LTBP1: variants seen among roughly 807,000 people sequenced by gnomAD.
The protein encoded by LTBP1 is latent transforming growth factor beta binding protein 1, also known as latent-transforming growth factor beta-binding protein 1.
In LTBP1, 129 loss-of-function variants were observed where a neutral mutation model predicts 207.6. The observed-to-expected ratio is 0.62, with a 90% CI of 0.54 to 0.72. The LOEUF is 0.72. Ranked by LOEUF, LTBP1 falls within the 30% of genes least tolerant of loss-of-function variation. The probability of loss-of-function intolerance (pLI) is 0.00; values close to 1 mark genes in which losing one functional copy is unlikely to be tolerated. For synonymous variants in LTBP1, 963 were observed against 833.7 expected, an observed-to-expected ratio of 1.16 and a Z score of -2.67; for missense variants, 2,281 against 2,217.2, an observed-to-expected ratio of 1.03 and a Z score of -0.58.
intron 8 of LTBP1, among the ~76,000 whole-genome samples, chr2:33,220,553 T>G (rs1254668355): frequency 2.0e-5 from 3 of 152,226 alleles, no homozygotes; most frequent in Admixed American, 2.0e-4. Context: ...TTTAAAACTT[T>G]TGAGAAGAAA....
At chr2:33,173,599 C>T (rs1267753835) in intron 5 of LTBP1, among the ~76,000 whole-genome samples, 1 of 146,864 alleles carries the variant, frequency 6.8e-6, no homozygotes, top group East Asian at 2.0e-4. Context: ...GGTACCATTC[C>T]TTCTGAAACT....
intron 2 of LTBP1, among the ~76,000 whole-genome samples, chr2:33,007,022 G>A (rs1007735976): frequency 2.0e-5 from 3 of 152,190 alleles, no homozygotes; most frequent in South Asian, 2.1e-4. Context: ...CACAGCCTGC[G>A]AATGTTTGTG....
At chr2:33,342,741 A>G (rs2094643958) in intron 24 of LTBP1, 97 bp from the exon 25 acceptor site, 2 of 1,172,822 alleles carry the variant, frequency 1.7e-6, no homozygotes, top group Non-Finnish European at 2.5e-6. Context: ...ATCACACACT[A>G]ATCAGGATGT....
chr2:33,008,789 C>T (rs1336230764), intron 2 of LTBP1, among the ~76,000 whole-genome samples: 1 of 152,176 alleles, frequency 6.6e-6, no homozygotes, highest in Non-Finnish European at 1.5e-5. Flanking sequence ...GATAGAGGCA[C>T]AAGGGCTGCT....
rs1676429932 is a variant in LTBP1 at position 32,947,788 on chromosome 2, T to A, written c.464T>A (p.Leu155Gln). Reference sequence around the variant, plus strand: ...ACCCAGAGCGGCGGAGGCTCTAGGCTGCAGGTTCACCAGAAGCAGCAGCTG... The same window carrying A: ...ACCCAGAGCGGCGGAGGCTCTAGGCAGCAGGTTCACCAGAAGCAGCAGCTG... Reference protein sequence around the residue: ...QETQSGGGSRLQVHQKQQLQG... With the variant: ...QETQSGGGSRQQVHQKQQLQG... Residue 155 changes from leucine (L) to glutamine (Q), a missense_variant, in exon 1 of 34, where the codon CTG (leucine) becomes CAG (glutamine). Transcript: ENST00000404816. 4 of 1,485,236 alleles carry A rather than the reference T, an allele frequency of 2.7e-6. No homozygotes were observed. The highest frequency in any genetic ancestry group is 3.6e-6 in the Non-Finnish European group (4 of 1,114,024). The allele number at this position is 1,485,236 out of a possible 1,614,324, so 92.0% of individuals were successfully genotyped here.
chr2:33,360,967 G>A lies in LTBP1; in HGVS notation c.4183+188G>A, dbSNP rs181606371. Reference sequence around the variant, plus strand: ...AATCCTTGAACTTCTCTTCATCATCGTGTACTTTGACAGTCAGGTTCTTTG... The same window carrying A: ...AATCCTTGAACTTCTCTTCATCATCATGTACTTTGACAGTCAGGTTCTTTG... On this transcript the variant is annotated intron_variant, in intron 27 of 33. Coordinates refer to ENST00000404816, the MANE Select transcript of LTBP1 (RefSeq NM_206943.4). Among the ~76,000 whole-genome samples, 13 of 152,280 alleles carry A rather than the reference G, an allele frequency of 8.5e-5. No homozygotes were observed. The East Asian group carries it at 1.9e-3, about 23-fold the overall frequency.
Position 33,154,083 on chromosome 2 carries a change from C to T in LTBP1, c.1201+19123C>T, listed in dbSNP as rs527950827. On this transcript the variant is annotated intron_variant, in intron 5 of 33. Coordinates refer to ENST00000404816, the MANE Select transcript of LTBP1 (RefSeq NM_206943.4). ...TTGCTGTGGGTTTCCCAGAACTCTG[C>T]CTGTACCTTTGTCAAGAATCTCTTT... is the stretch of plus-strand genomic sequence containing the variant. Among the ~76,000 whole-genome samples the T allele has an allele frequency of 3.3e-5, 5 of 152,334 alleles. No individual in the cohort carries two copies. The South Asian group carries it at 1.0e-3, about 32-fold the overall frequency.
intron 26 of LTBP1, among the ~76,000 whole-genome samples, chr2:33,350,834 A>C (rs1388620867): frequency 2.0e-5 from 3 of 152,218 alleles, no homozygotes; most frequent in African/African-American, 7.2e-5. Context: ...TAAGGGAAGC[A>C]GTAAATATTT....
At chr2:33,238,207 G>A (rs1407827554) in intron 9 of LTBP1, among the ~76,000 whole-genome samples, 3 of 152,280 alleles carry the variant, frequency 2.0e-5, no homozygotes, top group African/African-American at 7.2e-5. Context: ...AACACACACA[G>A]ATGAATCTCC....
At chr2:33,223,574 T>C (rs895985243) in intron 9 of LTBP1, among the ~76,000 whole-genome samples, 40 of 152,214 alleles carry the variant, frequency 2.6e-4, no homozygotes, top group Non-Finnish European at 3.1e-4. Flanking sequence ...TTAAATTAAA[T>C]AATGAATAGA....
intron 13 of LTBP1, among the ~76,000 whole-genome samples, chr2:33,260,711 C>T (rs1260263815): frequency 6.6e-6 from 1 of 152,172 alleles, no homozygotes; most frequent in Non-Finnish European, 1.5e-5. Flanking sequence ...AAGCTCTTAG[C>T]ATCTCTAAAG....
intron 2 of LTBP1, among the ~76,000 whole-genome samples, chr2:33,014,807 G>T (rs920325868): frequency 6.6e-6 from 1 of 152,134 alleles, no homozygotes; most frequent in South Asian, 2.1e-4. Context: ...AGTACTTGGC[G>T]CACAGATTGA....
intron 3 of LTBP1, among the ~76,000 whole-genome samples, chr2:33,057,723 T>C (rs2077072350): frequency 6.6e-6 from 1 of 152,168 alleles, no homozygotes; most frequent in Non-Finnish European, 1.5e-5. Flanking sequence ...CAGCTCTGAG[T>C]GCGGGGCCGC....
chr2:33,039,310 C>A (rs2038536), intron 3 of LTBP1, among the ~76,000 whole-genome samples: 78,270 of 150,884 alleles, frequency 0.52, 20,703 homozygotes, highest in Admixed American at 0.58. Context: ...AAAAAAAAAA[C>A]ACCAAAACCC....
At chr2:33,261,258 A>G (rs1227899990) in intron 13 of LTBP1, among the ~76,000 whole-genome samples, 1 of 152,152 alleles carries the variant, frequency 6.6e-6, no homozygotes, top group East Asian at 1.9e-4. Context: ...AATTCTGTAA[A>G]CTGCAGTAGT....
intron 13 of LTBP1, among the ~76,000 whole-genome samples, chr2:33,261,594 G>A (rs2093011112): frequency 6.6e-6 from 1 of 152,160 alleles, no homozygotes; most frequent in Non-Finnish European, 1.5e-5. Flanking sequence ...TCAATGGACG[G>A]GGCTTGCAAT....
At chr2:33,068,186 C>T (rs558411511) in intron 3 of LTBP1, among the ~76,000 whole-genome samples, 15 of 150,896 alleles carry the variant, frequency 9.9e-5, no homozygotes, top group South Asian at 4.2e-4. Context: ...AGGGTGTAAA[C>T]ATATGTTTTT....
intron 3 of LTBP1, among the ~76,000 whole-genome samples, chr2:33,095,379 C>T (rs1330088554): frequency 6.6e-6 from 1 of 152,144 alleles, no homozygotes; most frequent in Non-Finnish European, 1.5e-5. Context: ...TCCAAAGTTC[C>T]TAGTGAAAAG....
At chr2:33,272,920 A>G (rs1451808672) in intron 15 of LTBP1, among the ~76,000 whole-genome samples, 1 of 151,978 alleles carries the variant, frequency 6.6e-6, no homozygotes, top group Non-Finnish European at 1.5e-5. Context: ...CCTCCACTGT[A>G]GTGTATGTCT....
Sources: allele counts gnomAD v4.1 joint callset (sites outside exome capture counted in the v4.1 genomes callset), GRCh38; gene constraint gnomAD v4.1.1; transcripts MANE v1.5; gene names NCBI Gene and HGNC (gene_info 2026-07-23, HGNC 2026-07-21).